CNTLN: variants seen among roughly 807,000 people sequenced by gnomAD.
CNTLN encodes the protein centlein.
A neutral mutation model predicts 180.0 loss-of-function variants in CNTLN; 212 were observed. That is an observed-to-expected ratio of 1.18 (90% CI 1.05 to 1.32). The LOEUF (loss-of-function observed/expected upper bound fraction) is 1.32, where lower values mean the gene tolerates loss of function less well. CNTLN is among the 40% of genes most tolerant of loss of function. The pLI is 0.00. For synonymous variants in CNTLN, 722 were observed against 563.1 expected (o/e 1.28, Z -3.99); for missense variants, 2,095 against 1,610.9 (o/e 1.30, Z -5.14).
At chr9:17,513,292 T>C in the CNTLN span, among the ~76,000 whole-genome samples, 244 of 151,910 alleles carry the variant, frequency 1.6e-3, 1 homozygote, top group African/African-American at 5.5e-3. Flanking sequence ...TTTTTTTTAA[T>C]CCAAAAACCT....
chr9:17,279,415 A>G (rs771243788), intron 6 of CNTLN, among the ~76,000 whole-genome samples: 11 of 152,074 alleles, frequency 7.2e-5, no homozygotes, highest in Non-Finnish European at 1.3e-4. Flanking sequence ...TTGGCATCCA[A>G]TTTAGCCATG....
At chr9:17,441,494 A>G (rs1830104681) in intron 18 of CNTLN, among the ~76,000 whole-genome samples, 1 of 152,122 alleles carries the variant, frequency 6.6e-6, no homozygotes. Context: ...AAAGATTGTT[A>G]TAAACAATAT....
intron 2 of CNTLN, among the ~76,000 whole-genome samples, chr9:17,175,859 A>G (rs1029785403): frequency 6.6e-6 from 1 of 151,960 alleles, no homozygotes; most frequent in Non-Finnish European, 1.5e-5. Flanking sequence ...ATGTATTTAA[A>G]CTTTTTGGTA....
At chr9:17,479,529 T>G (rs777040820) in intron 23 of CNTLN, among the ~76,000 whole-genome samples, 4 of 152,044 alleles carry the variant, frequency 2.6e-5, no homozygotes, top group Admixed American at 1.3e-4. Flanking sequence ...TTGGAAGGGA[T>G]TGGGGAGACT....
At chr9:17,340,786 T>G in intron 10 of CNTLN, 41 bp from the exon 11 acceptor site, 1 of 1,542,870 alleles carries the variant, frequency 6.5e-7, no homozygotes, top group Non-Finnish European at 8.7e-7. Context: ...TATTAATACT[T>G]TCTTCAAACT....
intron 3 of CNTLN, among the ~76,000 whole-genome samples, chr9:17,232,651 A>G (rs1288687377): frequency 6.6e-6 from 1 of 151,994 alleles, no homozygotes; most frequent in Non-Finnish European, 1.5e-5. Context: ...ATATTATTGA[A>G]TTTATTATTT....
At chr9:17,434,516 T>A (rs1227540857) in intron 18 of CNTLN, among the ~76,000 whole-genome samples, 1 of 152,072 alleles carries the variant, frequency 6.6e-6, no homozygotes, top group Non-Finnish European at 1.5e-5. Flanking sequence ...AATTTATGAG[T>A]GTTTGCAGGT....
chr9:17,291,015 G>T (rs1051498059), intron 6 of CNTLN, among the ~76,000 whole-genome samples: 10 of 152,024 alleles, frequency 6.6e-5, no homozygotes, highest in African/African-American at 2.4e-4. Context: ...GTTCCTATTC[G>T]GCCATCTTGG....
At chr9:17,197,707 C>A (rs1312583177) in intron 2 of CNTLN, among the ~76,000 whole-genome samples, 1 of 152,112 alleles carries the variant, frequency 6.6e-6, no homozygotes, top group African/African-American at 2.4e-5. Context: ...TTATTGATTG[C>A]TTCCTTTGCT....
At position 17,212,398 on chromosome 9, in the gene CNTLN, G is replaced by A. The variant is rs200642813; in HGVS notation, c.450-13805G>A. ...GTTGAACCAGCCTTGCATCCTAGGGGTGAAGCCCACTTGATCATGGTGGAT... is the reference window on the plus strand; with the variant it reads ...GTTGAACCAGCCTTGCATCCTAGGGATGAAGCCCACTTGATCATGGTGGAT... On this transcript the variant is annotated intron_variant, in intron 2 of 25. Transcript: ENST00000380647. 8.5e-5 allele frequency among the ~76,000 whole-genome samples: 13 copies of A among 152,262 alleles called. No individual in the cohort carries two copies. The South Asian group carries it at 1.2e-3, about 15-fold the overall frequency.
intron 10 of CNTLN, among the ~76,000 whole-genome samples, chr9:17,338,331 A>ATTT (rs1238106698): frequency 4.8e-4 from 13 of 27,308 alleles, no homozygotes; most frequent in African/African-American, 9.9e-4. Context: ...CTCCTGGCTA[A>ATTT]TTTTTGTTTT....
downstream of CNTLN, among the ~76,000 whole-genome samples, chr9:17,505,623 A>C (rs1329718027): frequency 6.6e-6 from 1 of 152,156 alleles, no homozygotes; most frequent in Admixed American, 6.5e-5. Context: ...ACACTAGCGA[A>C]AGAAATGAAA....
At chr9:17,193,396 G>A (rs1471140855) in intron 2 of CNTLN, among the ~76,000 whole-genome samples, 1 of 152,124 alleles carries the variant, frequency 6.6e-6, no homozygotes, top group African/African-American at 2.4e-5. Context: ...ATACAATGGG[G>A]GTACAGGTAT....
chr9:17,282,664 C>T (rs1238148125), intron 6 of CNTLN, among the ~76,000 whole-genome samples: 2 of 152,014 alleles, frequency 1.3e-5, no homozygotes, highest in Non-Finnish European at 2.9e-5. Context: ...TTTGCCCGGG[C>T]CTATATCCTG....
intron 2 of CNTLN, among the ~76,000 whole-genome samples, chr9:17,145,675 G>A (rs1818406381): frequency 6.6e-6 from 1 of 151,992 alleles, no homozygotes; most frequent in Non-Finnish European, 1.5e-5. Context: ...TTTGGCTTAT[G>A]GTATGGATTT....
chr9:17,274,453 A>ATATCTATCTATCTGTC (rs1470236004), intron 6 of CNTLN, among the ~76,000 whole-genome samples: 152 of 138,890 alleles, frequency 1.1e-3, no homozygotes, highest in South Asian at 1.7e-3. Context: ...TCATAGATCA[A>ATATCTATCTATCTGTC]TATCTATCTA....
intron 5 of CNTLN, among the ~76,000 whole-genome samples, chr9:17,270,811 T>C (rs1827881092): frequency 6.7e-6 from 1 of 148,870 alleles, no homozygotes; most frequent in South Asian, 2.1e-4. Flanking sequence ...CTATTTTTTC[T>C]TTTTTTGAAT....
chr9:17,185,103 T>G lies in CNTLN; in HGVS notation c.450-41100T>G, dbSNP rs552518498. 4.1e-4 allele frequency among the ~76,000 whole-genome samples: 63 copies of G among 152,332 alleles called. 1 individual carries two copies. Among genetic ancestry groups the G allele is most frequent in the African/African-American group, 1.4e-3 (60 of 41,586 alleles). On this transcript the variant is annotated intron_variant, in intron 2 of 25. Coordinates refer to ENST00000380647, the MANE Select transcript of CNTLN (RefSeq NM_017738.4). ...GCTGGTGTGAATGTTTTCATTATACTGGAAAATAGAATTCTTTTGGAATTC... is the reference window on the plus strand; with the variant it reads ...GCTGGTGTGAATGTTTTCATTATACGGGAAAATAGAATTCTTTTGGAATTC...
At chr9:17,502,033 A>G (rs902145882) in intron 25 of CNTLN, among the ~76,000 whole-genome samples, 3 of 152,242 alleles carry the variant, frequency 2.0e-5, no homozygotes, top group East Asian at 1.9e-4. Flanking sequence ...TGATATGCCA[A>G]ACAACTTTTC....
Sources: gnomAD v4.1 joint callset for allele counts (sites outside exome capture counted in the v4.1 genomes callset) on GRCh38, gnomAD v4.1.1 for gene constraint, MANE v1.5 for transcripts, NCBI Gene and HGNC (gene_info 2026-07-23, HGNC 2026-07-21) for gene names.